The following CLPB variants were observed in gnomAD, a reference collection of about 807,000 sequenced individuals.
The protein encoded by CLPB is mitochondrial disaggregase.
A neutral mutation model predicts 78.4 loss-of-function variants in CLPB; 40 were observed. That is an observed-to-expected ratio of 0.51 (90% confidence interval 0.40 to 0.66). CLPB has a LOEUF of 0.66. CLPB is among the 30% of genes least tolerant of loss of function. The pLI, the probability that CLPB is intolerant of heterozygous loss-of-function variation, is 0.00. For synonymous variants in CLPB, 333 were observed against 348.0 expected, an observed-to-expected ratio of 0.96 and a Z score of 0.48; for missense variants, 780 against 886.9, an observed-to-expected ratio of 0.88 and a Z score of 1.53.
At chr11:72,424,794 G>A (rs999841332) in intron 2 of CLPB, among the ~76,000 whole-genome samples, 1 of 152,058 alleles carries the variant, frequency 6.6e-6, no homozygotes, top group Admixed American at 6.5e-5. Flanking sequence ...GCTGAGGCAG[G>A]AGAATGGCAT....
intron 5 of CLPB, among the ~76,000 whole-genome samples, chr11:72,358,643 C>A (rs1950768160): frequency 1.3e-5 from 2 of 152,144 alleles, no homozygotes; most frequent in African/African-American, 4.8e-5. Flanking sequence ...CACACATCAG[C>A]CACAGGAGGG....
At chr11:72,347,022 A>C (rs1422153473) in intron 5 of CLPB, among the ~76,000 whole-genome samples, 5 of 149,756 alleles carry the variant, frequency 3.3e-5, no homozygotes, top group Non-Finnish European at 5.9e-5. Flanking sequence ...GTAAGTACCC[A>C]TGAACACATT....
In CLPB at chr11:72,434,299, G is replaced by T; in HGVS notation, c.176C>A (p.Ser59Ter). The T allele has an allele frequency of 6.2e-7, 1 of 1,611,736 alleles. No individual in the cohort carries two copies. ...CCCACGTCCGGAGAACAAGGCCGGC[G>T]ATGTTCCAGGGCGCCCCCCGGTGGC... ...RVATGGRPGT[S>*]PALFSGRGAA... Residue 59 changes from serine to a stop codon, truncating the protein, a stop_gained, in exon 1 of 16, where the codon TCG (serine) becomes TAG (stop). Coordinates refer to ENST00000538039, the MANE Select transcript of CLPB (RefSeq NM_001258392.3). LOFTEE classifies it high-confidence loss of function.
intron 3 of CLPB, among the ~76,000 whole-genome samples, chr11:72,388,430 T>G (rs1590882123): frequency 6.6e-6 from 1 of 152,168 alleles, no homozygotes; most frequent in East Asian, 1.9e-4. Flanking sequence ...TTTTTGCATT[T>G]TTAGTACAGC....
chr11:72,303,342 A>G (rs573916601), intron 9 of CLPB, among the ~76,000 whole-genome samples: 7 of 152,332 alleles, frequency 4.6e-5, no homozygotes, highest in East Asian at 1.9e-4. Context: ...ATCCAGGGCT[A>G]TATTCTAGCT....
At chr11:72,429,586 C>T (rs1261790000) in intron 2 of CLPB, among the ~76,000 whole-genome samples, 1 of 152,154 alleles carries the variant, frequency 6.6e-6, no homozygotes, top group African/African-American at 2.4e-5. Flanking sequence ...AAGGTTAGGC[C>T]CAGTGGGGGG....
chr11:72,323,521 C>T (rs1337030270), intron 6 of CLPB, among the ~76,000 whole-genome samples: 3 of 147,244 alleles, frequency 2.0e-5, no homozygotes, highest in Admixed American at 6.8e-5. Flanking sequence ...GAACTGAGAT[C>T]ACACCACTGC....
At chr11:72,409,955 T>C (rs1855827754) in intron 2 of CLPB, among the ~76,000 whole-genome samples, 1 of 147,008 alleles carries the variant, frequency 6.8e-6, no homozygotes. Flanking sequence ...CCGACCTGGG[T>C]GACAGTGAGA....
intron 2 of CLPB, among the ~76,000 whole-genome samples, chr11:72,405,421 G>A (rs1855681408): frequency 6.6e-6 from 1 of 152,160 alleles, no homozygotes; most frequent in Non-Finnish European, 1.5e-5. Flanking sequence ...AAAGTGCATA[G>A]GAGCATACAC....
intron 2 of CLPB, among the ~76,000 whole-genome samples, chr11:72,412,769 T>C (rs1855915377): frequency 6.6e-6 from 1 of 152,242 alleles, no homozygotes; most frequent in South Asian, 2.1e-4. Context: ...ACACTTGTTC[T>C]GTTTGTTGAG....
At chr11:72,423,152 T>C (rs189497454) in intron 2 of CLPB, among the ~76,000 whole-genome samples, 1 of 152,270 alleles carries the variant, frequency 6.6e-6, no homozygotes, top group African/African-American at 2.4e-5. Flanking sequence ...ATCTCCTAAA[T>C]GATAATTTAA....
chr11:72,378,357 T>C (rs189886991), intron 4 of CLPB, among the ~76,000 whole-genome samples: 114 of 152,302 alleles, frequency 7.5e-4, no homozygotes, highest in African/African-American at 2.6e-3. Context: ...CAGTTCCACA[T>C]GGCCAGGGAG....
rs147179494 is a variant in CLPB, at chr11:72,335,987, G to A, written c.776-6183C>T. Among the ~76,000 whole-genome samples, 87 of 152,200 alleles carry A rather than the reference G, an allele frequency of 5.7e-4. No individual in the cohort carries two copies. The East Asian group carries it at 0.015, about 27-fold the overall frequency. On this transcript the variant is annotated intron_variant, in intron 5 of 15. Coordinates refer to ENST00000538039, the MANE Select transcript of CLPB (RefSeq NM_001258392.3). ...GGCAGAAGAGGTCAGGTCAGGCCCCGGTACCCTCTATGCTCTGTAGGTGCG... is the reference window on the plus strand; with the variant it reads ...GGCAGAAGAGGTCAGGTCAGGCCCCAGTACCCTCTATGCTCTGTAGGTGCG...
chr11:72,432,608 C>T (rs1372564280), intron 1 of CLPB, among the ~76,000 whole-genome samples: 1 of 152,188 alleles, frequency 6.6e-6, no homozygotes, highest in African/African-American at 2.4e-5. Flanking sequence ...TAAAACTAGA[C>T]ACACAGTGGG....
chr11:72,322,453 G>T (rs1950060917), intron 6 of CLPB, among the ~76,000 whole-genome samples: 1 of 152,128 alleles, frequency 6.6e-6, no homozygotes, highest in African/African-American at 2.4e-5. Flanking sequence ...CAAAGTGCTG[G>T]GATTACAGGT....
At chr11:72,365,041 T>G (rs1173167750) in intron 4 of CLPB, among the ~76,000 whole-genome samples, 2 of 152,012 alleles carry the variant, frequency 1.3e-5, no homozygotes, top group East Asian at 3.9e-4. Flanking sequence ...ACAATGAGGC[T>G]GGGGGTGGTG....
rs1207598974 is a variant in CLPB at position 72,292,065 on chromosome 11, A to AAAAG, written c.*1301_*1302insCTTT. 4 of 148,004 alleles carry AAAAG rather than the reference A, an allele frequency of 2.7e-5. No homozygotes were observed. Among genetic ancestry groups the AAAAG allele is most frequent in the African/African-American group, 1.0e-4 (4 of 38,460 alleles). 9.2% of individuals were successfully genotyped at this position (148,004 alleles called of 1,614,324 possible). A position where few individuals can be genotyped will look rare whatever the true frequency, so the allele number is the denominator to read the frequency against. ...CTCAAAAAAAAAAAAAAAAAAAAAA[A>AAAAG]GGCAGTCAGTGAGGTAGGGAGCAGC... On this transcript the variant is annotated 3_prime_UTR_variant, in exon 16 of 16. Transcript: ENST00000538039.
intron 2 of CLPB, chr11:72,408,275 C>A (rs1855768990): frequency 1.9e-6 from 2 of 1,049,862 alleles, no homozygotes; most frequent in Admixed American, 4.1e-5. Context: ...AGCTCTGTCA[C>A]TTACTAGCTG....
Position 72,428,487 on chromosome 11 carries a change from C to A in CLPB, c.455+1825G>T, listed in dbSNP as rs561653439. The stretch of plus-strand genomic sequence containing the variant: ...TCTTTTCTGACACCCTGTACAAATC[C>A]CACCTCAGGAGCATCAACATATTCC... On this transcript the variant is annotated intron_variant, in intron 2 of 15. Coordinates refer to ENST00000538039, the MANE Select transcript of CLPB (RefSeq NM_001258392.3). Among the ~76,000 whole-genome samples the A allele has an allele frequency of 2.6e-5, 4 of 152,304 alleles. No homozygotes were observed. The South Asian group carries it at 8.3e-4, about 32-fold the overall frequency.
Sources: gnomAD v4.1 joint callset for allele counts (sites outside exome capture counted in the v4.1 genomes callset) on GRCh38, gnomAD v4.1.1 for gene constraint, MANE v1.5 for transcripts, NCBI Gene and HGNC (gene_info 2026-07-23, HGNC 2026-07-21) for gene names.